The following ARID5B variants were observed in gnomAD, a reference collection of about 807,000 sequenced individuals.
ARID5B encodes the protein AT-rich interactive domain-containing protein 5B.
In ARID5B, 13 loss-of-function variants were observed where a neutral mutation model predicts 97.2. The observed-to-expected ratio is 0.13, with a 90% CI of 0.09 to 0.21. The LOEUF (loss-of-function observed/expected upper bound fraction) is 0.21, where lower values mean the gene tolerates loss of function less well. Ranked by LOEUF, ARID5B falls within the 10% of genes least tolerant of loss-of-function variation. The pLI is 1.00. For missense variants in ARID5B, 1,210 were observed against 1,465.3 expected (o/e 0.83, Z 2.84); for synonymous variants, 556 against 570.3 (o/e 0.97, Z 0.36).
At chr10:61,992,790 TGGCTAGTTCTGTTTTC>T (rs1413768413) in intron 3 of ARID5B, among the ~76,000 whole-genome samples, 4 of 152,202 alleles carry the variant, frequency 2.6e-5, no homozygotes, top group African/African-American at 9.6e-5. Context: ...CAGTTCTGTA[TGGCTAGTTCTGTTTTC>T]TGTCTCAGCA....
intron 4 of ARID5B, among the ~76,000 whole-genome samples, chr10:62,001,214 GC>G (rs201720901): frequency 0.021 from 3,217 of 152,226 alleles, 31 homozygotes; most frequent in Non-Finnish European, 0.026. Context: ...CCCTGGGGTA[GC>G]CTTATCAAAC....
At chr10:62,008,637 C>T (rs1839177498) in intron 4 of ARID5B, among the ~76,000 whole-genome samples, 1 of 152,244 alleles carries the variant, frequency 6.6e-6, no homozygotes, top group Non-Finnish European at 1.5e-5. Flanking sequence ...AGCCTCCTTG[C>T]CTCAGCCCTT....
At position 62,093,935 on chromosome 10, in the gene ARID5B, G is replaced by A. The variant is rs564713252; in HGVS notation, c.*905G>A. Reference sequence around the variant, plus strand: ...CTTAAGGATTTTGTTCCTCATAAATGGCATAGTTGAAAGAGCTTATACACT... The same window carrying A: ...CTTAAGGATTTTGTTCCTCATAAATAGCATAGTTGAAAGAGCTTATACACT... On this transcript the variant is annotated 3_prime_UTR_variant, in exon 10 of 10. Coordinates refer to ENST00000279873, the MANE Select transcript of ARID5B (RefSeq NM_032199.3). 7 of 233,606 alleles carry A rather than the reference G, an allele frequency of 3.0e-5. No homozygotes were observed. The highest frequency in any genetic ancestry group is 5.6e-5 in the Admixed American group (1 of 17,786). The allele number at this position is 233,606 out of a possible 1,614,324, so 14.5% of individuals were successfully genotyped here.
At chr10:62,030,837 A>C (rs1393993082) in intron 4 of ARID5B, among the ~76,000 whole-genome samples, 1 of 152,222 alleles carries the variant, frequency 6.6e-6, no homozygotes, top group Non-Finnish European at 1.5e-5. Context: ...AAAATGAATG[A>C]AGAACAAATA....
chr10:61,988,550 G>C (rs1166450702), intron 3 of ARID5B, among the ~76,000 whole-genome samples: 2 of 152,112 alleles, frequency 1.3e-5, no homozygotes, highest in Non-Finnish European at 2.9e-5. Context: ...GTCTTTGTTG[G>C]GGCTTTGGGG....
At chr10:61,942,773 C>T (rs929425887) in intron 3 of ARID5B, among the ~76,000 whole-genome samples, 2 of 152,062 alleles carry the variant, frequency 1.3e-5, no homozygotes, top group African/African-American at 4.8e-5. Context: ...CCAGCCTGGG[C>T]GACAACAGCG....
intron 3 of ARID5B, among the ~76,000 whole-genome samples, chr10:61,955,850 C>T (rs1838384937): frequency 6.6e-6 from 1 of 152,080 alleles, no homozygotes; most frequent in South Asian, 2.1e-4. Context: ...GGGGTTTCGT[C>T]ATGCTGGCCA....
intron 2 of ARID5B, among the ~76,000 whole-genome samples, chr10:61,903,185 A>AG (rs1843646407): frequency 7.0e-6 from 1 of 143,774 alleles, no homozygotes; most frequent in African/African-American, 2.5e-5. Context: ...GGGGCGGGGG[A>AG]GGGGAGGGCA....
intron 4 of ARID5B, among the ~76,000 whole-genome samples, chr10:62,007,434 G>C (rs186104980): frequency 6.6e-6 from 1 of 152,142 alleles, no homozygotes; most frequent in Non-Finnish European, 1.5e-5. Flanking sequence ...GACAACAGTT[G>C]TGAACGAGAC....
At chr10:61,929,650 C>A (rs1268032505) in intron 2 of ARID5B, among the ~76,000 whole-genome samples, 3 of 152,190 alleles carry the variant, frequency 2.0e-5, no homozygotes, top group African/African-American at 7.2e-5. Context: ...AGGGACTGGG[C>A]TCCTTTTTCT....
intron 3 of ARID5B, among the ~76,000 whole-genome samples, chr10:61,959,156 C>A (rs1479637260): frequency 1.3e-5 from 2 of 152,168 alleles, no homozygotes; most frequent in African/African-American, 2.4e-5. Flanking sequence ...AATGATAGAA[C>A]CTTTCCATGA....
rs147161524 is a variant in ARID5B, at chr10:61,941,986, A to G, written c.502+1578A>G. 7.2e-5 allele frequency among the ~76,000 whole-genome samples: 11 copies of G among 152,268 alleles called. No homozygotes were observed. The East Asian group carries it at 1.9e-3, about 27-fold the overall frequency. On this transcript the variant is annotated intron_variant, in intron 3 of 9. Coordinates refer to ENST00000279873, the MANE Select transcript of ARID5B (RefSeq NM_032199.3). ...ATTACCATTGTCTTATGTTTTCCTT[A>G]ACATTAAAACCTTTCTTTTGTTTGT...
chr10:62,091,295 C>G lies in ARID5B; in HGVS notation c.1832C>G (p.Thr611Arg). The part of the protein sequence containing the change: ...TQPPLANQNE[T>R]EDDKLPAMAD... Reference sequence around the variant, plus strand: ...CCACCGCTGGCAAACCAGAATGAGACGGAGGATGACAAACTGCCCGCCATG... The same window carrying G: ...CCACCGCTGGCAAACCAGAATGAGAGGGAGGATGACAAACTGCCCGCCATG... The change falls in exon 10 of 10, where the codon ACG (threonine) becomes AGG (arginine). Residue 611 changes from threonine (T) to arginine (R), a missense_variant. This residue lies in a region of ARID5B where 800 missense variants were observed against 839.1 expected (regional missense o/e 0.95). Coordinates refer to ENST00000279873, the MANE Select transcript of ARID5B (RefSeq NM_032199.3). The G allele has an allele frequency of 6.2e-7, 1 of 1,614,192 alleles. No homozygotes were observed. Among genetic ancestry groups the G allele is most frequent in the South Asian group, 1.1e-5 (1 of 91,080 alleles).
intron 2 of ARID5B, among the ~76,000 whole-genome samples, chr10:61,913,115 A>C (rs1362175123): frequency 6.6e-6 from 1 of 152,192 alleles, no homozygotes; most frequent in Non-Finnish European, 1.5e-5. Context: ...TGTGGAAAAG[A>C]CGCTGGTGAT....
intron 4 of ARID5B, among the ~76,000 whole-genome samples, chr10:62,027,270 G>A (rs893478695): frequency 1.6e-5 from 2 of 123,100 alleles, no homozygotes; most frequent in African/African-American, 6.0e-5. Context: ...TGATGCATTA[G>A]CCTCACAGTA....
At chr10:62,016,323 A>C (rs1839283645) in intron 4 of ARID5B, among the ~76,000 whole-genome samples, 1 of 152,360 alleles carries the variant, frequency 6.6e-6, no homozygotes, top group East Asian at 1.9e-4. Flanking sequence ...TTGACCTCTG[A>C]TATAGACCAA....
At position 62,092,749 on chromosome 10, in the gene ARID5B, C is replaced by T; in HGVS notation, c.3286C>T (p.Pro1096Ser). ...LCNSGLNSRL[P>S]AGYSHSLQYL... ...TAACTCGGGCCTCAACTCCAGGCTC[C>T]CGGCTGGGTATTCTCATTCTCTGCA... The change falls in exon 10 of 10, where the codon CCG becomes TCG. Residue 1096 changes from proline to serine, a missense_variant. Transcript: ENST00000279873. 3 of 1,614,154 alleles carry T rather than the reference C, an allele frequency of 1.9e-6. No individual in the cohort carries two copies. Among genetic ancestry groups the T allele is most frequent in the Non-Finnish European group, 2.5e-6 (3 of 1,180,016 alleles).
intron 3 of ARID5B, among the ~76,000 whole-genome samples, chr10:61,994,264 T>A (rs1838967100): frequency 6.6e-6 from 1 of 152,098 alleles, no homozygotes; most frequent in Non-Finnish European, 1.5e-5. Flanking sequence ...AAGATTTTTT[T>A]TAAAAAACTT....
chr10:61,999,701 C>G (rs190052378), intron 3 of ARID5B, among the ~76,000 whole-genome samples: 4 of 152,304 alleles, frequency 2.6e-5, no homozygotes, highest in African/African-American at 9.6e-5. Flanking sequence ...CAATTCCAAA[C>G]TAGAAATAAA....
Sources: gnomAD v4.1 joint callset for allele counts (sites outside exome capture counted in the v4.1 genomes callset) on GRCh38, gnomAD v4.1.1 for gene constraint, gnomAD v4.1.1 regional missense constraint, MANE v1.5 for transcripts, NCBI Gene and HGNC (gene_info 2026-07-23, HGNC 2026-07-21) for gene names.